The following ITGB3 variants were observed in gnomAD, a reference collection of about 807,000 sequenced individuals.
The protein encoded by ITGB3 is integrin beta-3.
ITGB3 carries 48 observed loss-of-function variants against 85.8 expected under a neutral mutation model. The observed-to-expected ratio is 0.56, with a 90% CI of 0.44 to 0.71. The LOEUF is 0.71. ITGB3 is among the 30% of genes least tolerant of loss of function. The pLI is 0.00. For missense variants in ITGB3, 861 were observed against 1,019.1 expected (o/e 0.84, Z 2.11); for synonymous variants, 363 against 395.6 (o/e 0.92, Z 0.98).
At position 47,313,726 on chromosome 17, in the gene ITGB3, T is replaced by C. The variant is rs886941370; in HGVS notation, c.*3522T>C. On this transcript the variant is annotated 3_prime_UTR_variant, in exon 15 of 15. Transcript: ENST00000559488. The stretch of plus-strand genomic sequence containing the variant: ...TGGGTTTGTGCAACAGTAAATTAAA[T>C]GTACTTTCCAAAAAGAATTGGCCTA... Among the ~76,000 whole-genome samples the C allele has an allele frequency of 2.6e-5, 4 of 152,222 alleles. No homozygotes were observed. The highest frequency in any genetic ancestry group is 7.2e-5 in the African/African-American group (3 of 41,450).
At chr17:47,309,328 TAGGCATAAACCACCATGCCTGGCC>T (rs2065203821) in intron 14 of ITGB3, among the ~76,000 whole-genome samples, 1 of 152,088 alleles carries the variant, frequency 6.6e-6, no homozygotes, top group Non-Finnish European at 1.5e-5. Context: ...GCTGGGATTA[TAGGCATAAACCACCATGCCTGGCC>T]ATGGTTAGTG....
chr17:47,281,980 G>T (rs1259913396), intron 2 of ITGB3, among the ~76,000 whole-genome samples: 1 of 152,078 alleles, frequency 6.6e-6, no homozygotes, highest in Non-Finnish European at 1.5e-5. Context: ...ATCAAGTCTT[G>T]CTCTGTCACC....
chr17:47,310,230 T>C lies in ITGB3; in HGVS notation c.*26T>C. Reference sequence around the variant, plus strand: ...TGATAAGCAGTCATCCTCAGATCATTATCAGCCTGTGCCACGATTGCAGGA... The same window carrying C: ...TGATAAGCAGTCATCCTCAGATCATCATCAGCCTGTGCCACGATTGCAGGA... On this transcript the variant is annotated 3_prime_UTR_variant, in exon 15 of 15. Coordinates refer to ENST00000559488, the MANE Select transcript of ITGB3 (RefSeq NM_000212.3). 1 of 1,600,336 alleles carries C rather than the reference T, an allele frequency of 6.2e-7. No homozygotes were observed. Among genetic ancestry groups the C allele is most frequent in the Non-Finnish European group, 8.6e-7 (1 of 1,167,584 alleles).
chr17:47,270,133 C>T (rs2065039257), intron 1 of ITGB3, among the ~76,000 whole-genome samples: 1 of 152,140 alleles, frequency 6.6e-6, no homozygotes, highest in Admixed American at 6.5e-5. Context: ...CCACTGAGTC[C>T]CTCTCATGAC....
intron 3 of ITGB3, 61 bp downstream of exon 3, chr17:47,283,610 G>C: frequency 6.7e-7 from 1 of 1,496,372 alleles, no homozygotes; most frequent in African/African-American, 1.4e-5. Flanking sequence ...GCACAAGGTG[G>C]AGGTCTGAGG....
Position 47,284,619 on chromosome 17 carries a change from G to C in ITGB3, c.538G>C (p.Gly180Arg). The C allele has an allele frequency of 6.2e-7, 1 of 1,613,996 alleles. No individual in the cohort carries two copies. The highest frequency in any genetic ancestry group is 2.2e-5 in the East Asian group (1 of 44,888). The part of the protein sequence containing the change: ...KLTSNLRIGF[G>R]AFVDKPVSPY... Reference sequence around the variant, plus strand: ...CACCAGTAACCTGCGGATTGGCTTCGGGGCATTTGTGGACAAGCCTGTGTC... The same window carrying C: ...CACCAGTAACCTGCGGATTGGCTTCCGGGCATTTGTGGACAAGCCTGTGTC... Residue 180 changes from glycine (G) to arginine (R), a missense_variant, in exon 4 of 15, where the codon GGG (glycine) becomes CGG (arginine). Transcript: ENST00000559488.
chr17:47,299,881 C>G lies in ITGB3; in HGVS notation c.1913+351C>G, dbSNP rs373026402. ...ATGTGAGGGCTGGAATTATGGAGGACACTCTGTGAAACTACTACAAACCTC... is the reference window on the plus strand; with the variant it reads ...ATGTGAGGGCTGGAATTATGGAGGAGACTCTGTGAAACTACTACAAACCTC... On this transcript the variant is annotated intron_variant, in intron 11 of 14. Transcript: ENST00000559488. This position sits in a 1 kb window ranked among gnomAD's most constrained non-coding sequence, Gnocchi z 5.1. Among the ~76,000 whole-genome samples the G allele has an allele frequency of 7.1e-4, 108 of 152,226 alleles. 1 individual carries two copies. In the South Asian group the frequency reaches 0.022, roughly 30 times the overall value.
chr17:47,259,090 T>C (rs545417533), intron 1 of ITGB3, among the ~76,000 whole-genome samples: 1 of 152,348 alleles, frequency 6.6e-6, no homozygotes, highest in East Asian at 1.9e-4. Flanking sequence ...TATTTAGCTA[T>C]ATATAAGTCA....
intron 3 of ITGB3, 55 bp from the exon 4 acceptor site, chr17:47,284,388 T>C: frequency 6.2e-7 from 1 of 1,610,596 alleles, no homozygotes; most frequent in Non-Finnish European, 8.5e-7. Context: ...CCAAATCTGC[T>C]TATTCAATCT....
At chr17:47,275,288 G>T (rs1161606524) in intron 2 of ITGB3, among the ~76,000 whole-genome samples, 1 of 152,088 alleles carries the variant, frequency 6.6e-6, no homozygotes, top group African/African-American at 2.4e-5. Flanking sequence ...GGTTAGTTGT[G>T]TCTAGGCAGA....
At chr17:47,306,057 A>G (rs577568578) in intron 13 of ITGB3, among the ~76,000 whole-genome samples, 2 of 152,308 alleles carry the variant, frequency 1.3e-5, no homozygotes, top group East Asian at 1.9e-4. Context: ...AAGTTAAGTG[A>G]TAAGTCAGGA....
Position 47,286,283 on chromosome 17 carries a change from T to C in ITGB3, c.638T>C (p.Met213Thr). The change falls in exon 5 of 15, where the codon ATG (methionine) becomes ACG (threonine). Residue 213 changes from methionine to threonine, a missense_variant. Met to Thr is a moderately conservative substitution (Grantham distance 81). Coordinates refer to ENST00000559488, the MANE Select transcript of ITGB3 (RefSeq NM_000212.3). ...CYDMKTTCLP[M>T]FGYKHVLTLT... is the part of the protein sequence containing the mutation. Reference sequence around the variant, plus strand: ...AGTATGAAGACCACCTGCTTGCCCATGTTTGGCTACAAACACGTGCTGACG... The same window carrying C: ...AGTATGAAGACCACCTGCTTGCCCACGTTTGGCTACAAACACGTGCTGACG... 1 of 1,614,190 alleles carries C rather than the reference T, an allele frequency of 6.2e-7. No individual in the cohort carries two copies. The highest frequency in any genetic ancestry group is 8.5e-7 in the Non-Finnish European group (1 of 1,180,018).
intron 1 of ITGB3, chr17:47,259,364 T>A (rs1253099674): frequency 6.6e-6 from 1 of 151,576 alleles, no homozygotes; most frequent in African/African-American, 2.4e-5. Flanking sequence ...GGTGGGTGGC[T>A]TTTTGGCCAA....
chr17:47,274,841 C>T (rs961508427), intron 2 of ITGB3, among the ~76,000 whole-genome samples: 5 of 152,158 alleles, frequency 3.3e-5, no homozygotes, highest in African/African-American at 1.2e-4. Flanking sequence ...GAGACAGGGT[C>T]TCACTATGTT....
At chr17:47,267,866 T>C (rs2065030840) in intron 1 of ITGB3, among the ~76,000 whole-genome samples, 1 of 152,192 alleles carries the variant, frequency 6.6e-6, no homozygotes, top group Non-Finnish European at 1.5e-5. Flanking sequence ...ACAGTGTCTG[T>C]ATTAGTTCAT....
In ITGB3 at chr17:47,288,206, A is replaced by AAGAGAGAGAGAG. The variant is rs200536313; in HGVS notation, c.939+999_939+1010dup. Among the ~76,000 whole-genome samples the AAGAGAGAGAGAG allele has an allele frequency of 6.8e-3, 916 of 134,790 alleles. 5 individuals are homozygous for AAGAGAGAGAGAG. Among genetic ancestry groups the AAGAGAGAGAGAG allele is most frequent in the Middle Eastern group, 0.017 (4 of 242 alleles). 88.4% of individuals were successfully genotyped at this position (134,790 alleles called of 152,430 possible). ...CCTAGTGGAGACCCCTTCTCTTAGA[A>AAGAGAGAGAGAG]AGAGAGAGAGAGAGAGAGAGAGAGA... On this transcript the variant is annotated intron_variant, in intron 6 of 14. Coordinates refer to ENST00000559488, the MANE Select transcript of ITGB3 (RefSeq NM_000212.3).
At chr17:47,274,801 GA>G (rs2065057054) in intron 2 of ITGB3, among the ~76,000 whole-genome samples, 1 of 152,084 alleles carries the variant, frequency 6.6e-6, no homozygotes, top group Non-Finnish European at 1.5e-5. Flanking sequence ...TTTTTCCTAA[GA>G]AAAACAGTTT....
chr17:47,272,210 C>T (rs933570605), intron 1 of ITGB3, among the ~76,000 whole-genome samples: 1 of 151,904 alleles, frequency 6.6e-6, no homozygotes, highest in Non-Finnish European at 1.5e-5. Context: ...GGCCTGCCAC[C>T]ACACCCGGCT....
chr17:47,254,040 G>A (rs2064978247), intron 1 of ITGB3, 100 bp downstream of exon 1: 1 of 733,178 alleles, frequency 1.4e-6, no homozygotes. Context: ...GGCTGGTCCC[G>A]CGCGTCTGCG....
Sources: gnomAD v4.1 joint callset for allele counts (sites outside exome capture counted in the v4.1 genomes callset) on GRCh38, gnomAD v4.1.1 for gene constraint, Gnocchi (gnomAD v3.1) non-coding constraint, MANE v1.5 for transcripts, NCBI Gene and HGNC (gene_info 2026-07-23, HGNC 2026-07-21) for gene names.